RANBP9: variants seen among roughly 807,000 people sequenced by gnomAD.
RANBP9 encodes the protein ran-binding protein 9.
RANBP9 carries 15 observed loss-of-function variants against 84.3 expected under a neutral mutation model. That is an observed-to-expected ratio of 0.18 (90% CI 0.12 to 0.27). RANBP9 has a LOEUF of 0.27. Ranked by LOEUF, RANBP9 falls within the 10% of genes least tolerant of loss-of-function variation. RANBP9 has a pLI of 1.00. For missense variants in RANBP9, 809 were observed against 912.8 expected, an observed-to-expected ratio of 0.89 and a Z score of 1.46; for synonymous variants, 392 against 349.6, an observed-to-expected ratio of 1.12 and a Z score of -1.35.
At chr6:13,663,802 T>C (rs901519088) in intron 2 of RANBP9, among the ~76,000 whole-genome samples, 1 of 152,120 alleles carries the variant, frequency 6.6e-6, no homozygotes, top group African/African-American at 2.4e-5. Context: ...AAAATTCCTA[T>C]CATGAAATAG....
intron 2 of RANBP9, among the ~76,000 whole-genome samples, chr6:13,672,621 C>T (rs1335373822): frequency 1.3e-5 from 2 of 151,934 alleles, no homozygotes; most frequent in African/African-American, 4.8e-5. Context: ...TAAGCCATGT[C>T]CAGATTTCAA....
At chr6:13,692,527 CAAAAAAAAAAAA>C (rs61237158) in intron 2 of RANBP9, among the ~76,000 whole-genome samples, 70 of 28,726 alleles carry the variant, frequency 2.4e-3, no homozygotes, top group African/African-American at 8.1e-3. Context: ...AACTCCGTCT[CAAAAAAAAAAAA>C]AAAAAAAAAA....
At chr6:13,654,293 A>C (rs1193882810) in intron 4 of RANBP9, among the ~76,000 whole-genome samples, 1 of 152,182 alleles carries the variant, frequency 6.6e-6, no homozygotes, top group African/African-American at 2.4e-5. Flanking sequence ...CTATATTCAT[A>C]ATTTCCTGAT....
Position 13,711,333 on chromosome 6 carries a change from TCGCCGCCCGCAC to T in RANBP9, c.161_172del (p.Gly54_Gly57del), listed in dbSNP as rs1158215913. ...GGCGGCCGCCGCGGCCCCTAAGCCT[TCGCCGCCCGCAC>T]CGCCGCCGGGCGAGCCGGCCGGAGA... On this transcript the variant is annotated inframe_deletion, in exon 1 of 14. Transcript: ENST00000011619. The T allele has an allele frequency of 3.6e-6, 4 of 1,108,854 alleles. No individual in the cohort carries two copies. The highest frequency in any genetic ancestry group is 7.8e-4 in the Middle Eastern group (2 of 2,576). The allele number at this position is 1,108,854 out of a possible 1,614,324, so 68.7% of individuals were successfully genotyped here. A position where few individuals can be genotyped will look rare whatever the true frequency, so the allele number is the denominator to read the frequency against.
At chr6:13,682,009 G>A (rs1766052323) in intron 2 of RANBP9, among the ~76,000 whole-genome samples, 3 of 152,066 alleles carry the variant, frequency 2.0e-5, no homozygotes, top group East Asian at 1.9e-4. Flanking sequence ...TTACAGGCAC[G>A]TGCCACCACA....
At chr6:13,652,546 A>T in intron 5 of RANBP9, 113 bp downstream of exon 5, 2 of 1,033,618 alleles carry the variant, frequency 1.9e-6, no homozygotes, top group Admixed American at 2.6e-5. Context: ...TGTCATATAA[A>T]CCTAATAAAT....
chr6:13,643,668 A>T (rs551866781), intron 6 of RANBP9, among the ~76,000 whole-genome samples: 1 of 152,308 alleles, frequency 6.6e-6, no homozygotes, highest in Admixed American at 6.5e-5. Context: ...CTATCTTGCC[A>T]TGATACTCAG....
rs563292562 is a variant in RANBP9, at chr6:13,664,866, T to C, written c.684-6034A>G. Among the ~76,000 whole-genome samples, 9 of 152,270 alleles carry C rather than the reference T, an allele frequency of 5.9e-5. No individual in the cohort carries two copies. In the South Asian group the frequency reaches 6.2e-4, roughly 10 times the overall value. On this transcript the variant is annotated intron_variant, in intron 2 of 13. Coordinates refer to ENST00000011619, the MANE Select transcript of RANBP9 (RefSeq NM_005493.3). ...AGTTACACAATCTGACTTCAAAACA[T>C]AGCATGGGCTGAGTAATCTAAACAG...
intron 2 of RANBP9, among the ~76,000 whole-genome samples, chr6:13,673,571 T>C (rs965206532): frequency 1.3e-5 from 2 of 152,106 alleles, no homozygotes; most frequent in African/African-American, 4.8e-5. Context: ...CTGCTGACTA[T>C]GGATAAGTGA....
chr6:13,638,642 G>C (rs762999475), intron 9 of RANBP9, among the ~76,000 whole-genome samples: 13 of 151,958 alleles, frequency 8.6e-5, no homozygotes, highest in Non-Finnish European at 1.6e-4. Context: ...ACCAGCATCA[G>C]AAACATTGCG....
intron 5 of RANBP9, among the ~76,000 whole-genome samples, chr6:13,649,105 G>T (rs1765236708): frequency 6.6e-6 from 1 of 152,182 alleles, no homozygotes; most frequent in Non-Finnish European, 1.5e-5. Flanking sequence ...TGGGTAGCTT[G>T]TGAGAGATCA....
chr6:13,633,183 C>T (rs775081484), intron 11 of RANBP9, among the ~76,000 whole-genome samples: 14 of 151,940 alleles, frequency 9.2e-5, no homozygotes, highest in South Asian at 2.1e-4. Context: ...TACAGGCACG[C>T]GCCATCATGC....
At chr6:13,672,809 T>C (rs960506901) in intron 2 of RANBP9, among the ~76,000 whole-genome samples, 4 of 151,182 alleles carry the variant, frequency 2.6e-5, no homozygotes, top group African/African-American at 9.7e-5. Flanking sequence ...ATAAAAAGCA[T>C]TAACACAAAT....
chr6:13,688,941 G>C (rs911967647), intron 2 of RANBP9, among the ~76,000 whole-genome samples: 1 of 130,956 alleles, frequency 7.6e-6, no homozygotes, highest in Non-Finnish European at 1.6e-5. Context: ...GAGGCCAGGA[G>C]TTCAAGACCA....
At chr6:13,631,088 G>A (rs1254122097) in intron 12 of RANBP9, among the ~76,000 whole-genome samples, 1 of 152,150 alleles carries the variant, frequency 6.6e-6, no homozygotes, top group East Asian at 1.9e-4. Flanking sequence ...GAATACAGGT[G>A]TGAGCCACCG....
At chr6:13,669,165 T>C (rs571824300) in intron 2 of RANBP9, among the ~76,000 whole-genome samples, 16 of 151,904 alleles carry the variant, frequency 1.1e-4, no homozygotes, top group African/African-American at 3.6e-4. Flanking sequence ...GGAATAAATA[T>C]AACAAAAGAA....
At chr6:13,672,934 T>G (rs935633417) in intron 2 of RANBP9, among the ~76,000 whole-genome samples, 2 of 149,866 alleles carry the variant, frequency 1.3e-5, no homozygotes, top group Non-Finnish European at 3.0e-5. Flanking sequence ...AGGTGAAAAA[T>G]ATTCATAATA....
chr6:13,693,061 G>A (rs1020213697), intron 2 of RANBP9, among the ~76,000 whole-genome samples: 1 of 152,126 alleles, frequency 6.6e-6, no homozygotes, highest in South Asian at 2.1e-4. Context: ...CATAATTACA[G>A]TCTGGCCAAA....
chr6:13,696,086 G>A (rs1052548171), intron 2 of RANBP9, among the ~76,000 whole-genome samples: 3 of 152,160 alleles, frequency 2.0e-5, no homozygotes, highest in Non-Finnish European at 4.4e-5. Context: ...ACCAGGGATA[G>A]GCACCAAAAT....
Sources: gnomAD v4.1 joint callset for allele counts (sites outside exome capture counted in the v4.1 genomes callset) on GRCh38, gnomAD v4.1.1 for gene constraint, MANE v1.5 for transcripts, NCBI Gene and HGNC (gene_info 2026-07-23, HGNC 2026-07-21) for gene names.